Variants in RFPL1 observed in about 807,000 individuals in gnomAD.
The protein encoded by RFPL1 is ret finger protein like 1, also known as ret finger protein-like 1.
In RFPL1, 6 loss-of-function variants were observed where a neutral mutation model predicts 9.6. The observed-to-expected ratio is 0.62, with a 90% CI of 0.34 to 1.23. RFPL1 has a LOEUF of 1.23. Ranked by LOEUF, RFPL1 falls within the 50% of genes most tolerant of loss-of-function variation. The pLI is 0.03. For synonymous variants in RFPL1, 145 were observed against 149.4 expected, an observed-to-expected ratio of 0.97 and a Z score of 0.22; for missense variants, 352 against 398.4, an observed-to-expected ratio of 0.88 and a Z score of 0.99.
chr22:29,430,982 T>G, the RFPL1 span, among the ~76,000 whole-genome samples: 9 of 152,276 alleles, frequency 5.9e-5, no homozygotes, highest in South Asian at 1.2e-3. Context: ...GGTAACCAGT[T>G]TACAACCTCA....
the RFPL1 span, among the ~76,000 whole-genome samples, chr22:29,420,073 A>G: frequency 6.6e-6 from 1 of 152,226 alleles, no homozygotes; most frequent in South Asian, 2.1e-4. Flanking sequence ...GTGGATTCCC[A>G]CATGGAGGCC....
the RFPL1 span, among the ~76,000 whole-genome samples, chr22:29,422,813 A>T: frequency 6.6e-6 from 1 of 151,712 alleles, no homozygotes; most frequent in Non-Finnish European, 1.5e-5. Context: ...ACACATACAC[A>T]CACACACACA....
chr22:29,441,804 G>A (rs1457829128), exon 2 of RFPL1: 2 of 1,613,860 alleles, frequency 1.2e-6, no homozygotes, highest in East Asian at 4.5e-5. Flanking sequence ...TGACCACAGA[G>A]CGTGGATTCT....
At chr22:29,402,483 A>G in the RFPL1 span, among the ~76,000 whole-genome samples, 2 of 152,344 alleles carry the variant, frequency 1.3e-5, no homozygotes, top group South Asian at 2.1e-4. Flanking sequence ...GGATGAGTTC[A>G]GTCCCTATTT....
At chr22:29,399,861 C>T in the RFPL1 span, among the ~76,000 whole-genome samples, 1 of 152,036 alleles carries the variant, frequency 6.6e-6, no homozygotes, top group Non-Finnish European at 1.5e-5. Context: ...GTTAATTAGC[C>T]CCCTCTTCAA....
At chr22:29,394,198 T>A in the RFPL1 span, among the ~76,000 whole-genome samples, 1 of 152,166 alleles carries the variant, frequency 6.6e-6, no homozygotes. Context: ...GTCCAGTTCT[T>A]TGTTTTTGAG....
the RFPL1 span, among the ~76,000 whole-genome samples, chr22:29,404,442 G>A: frequency 1.3e-5 from 2 of 151,938 alleles, no homozygotes; most frequent in East Asian, 3.9e-4. Context: ...AATGTTTTAA[G>A]TTAGGTGTAA....
chr22:29,434,132 A>G (rs895957427), upstream of RFPL1, among the ~76,000 whole-genome samples: 8 of 152,142 alleles, frequency 5.3e-5, no homozygotes, highest in African/African-American at 1.9e-4. Flanking sequence ...TATTACTGAC[A>G]TAAGCCGCCG....
upstream of RFPL1, among the ~76,000 whole-genome samples, chr22:29,435,778 T>C (rs754157734): frequency 3.9e-5 from 6 of 152,240 alleles, no homozygotes; most frequent in Non-Finnish European, 7.3e-5. Context: ...ATAGATTATA[T>C]TCAAGTTATT....
chr22:29,406,107 C>A, the RFPL1 span, among the ~76,000 whole-genome samples: 10 of 74,010 alleles, frequency 1.4e-4, no homozygotes, highest in African/African-American at 5.0e-4. Flanking sequence ...CAGAGCGAGA[C>A]TCCTTCTCAA....
At chr22:29,405,484 G>T in the RFPL1 span, among the ~76,000 whole-genome samples, 1 of 152,192 alleles carries the variant, frequency 6.6e-6, no homozygotes, top group Non-Finnish European at 1.5e-5. Flanking sequence ...AAGACGCAGG[G>T]ATAATAGAGC....
At chr22:29,420,148 G>A in the RFPL1 span, among the ~76,000 whole-genome samples, 2 of 152,212 alleles carry the variant, frequency 1.3e-5, no homozygotes, top group Non-Finnish European at 2.9e-5. Context: ...GACACAAGTG[G>A]TTGCTCAGCT....
the RFPL1 span, among the ~76,000 whole-genome samples, chr22:29,389,367 G>A: frequency 6.6e-6 from 1 of 151,774 alleles, no homozygotes; most frequent in African/African-American, 2.4e-5. Context: ...CAGCCTGGGC[G>A]ACAGATCCAG....
the RFPL1 span, among the ~76,000 whole-genome samples, chr22:29,393,992 T>C: frequency 2.0e-5 from 3 of 152,056 alleles, no homozygotes; most frequent in African/African-American, 7.2e-5. Flanking sequence ...TTATTTGTTT[T>C]AGAGATGAGG....
At chr22:29,396,621 T>C in the RFPL1 span, among the ~76,000 whole-genome samples, 77 of 152,192 alleles carry the variant, frequency 5.1e-4, 1 homozygote, top group African/African-American at 1.8e-3. Flanking sequence ...TGGGAGCTTT[T>C]GTATTAATTT....
chr22:29,390,986 C>CA, the RFPL1 span, among the ~76,000 whole-genome samples: 1 of 150,700 alleles, frequency 6.6e-6, no homozygotes, highest in Non-Finnish European at 1.5e-5. Context: ...CTAAAAAATA[C>CA]AAAAAATTAG....
In RFPL1 at chr22:29,441,689, G is replaced by A. The variant is rs371079248; in HGVS notation, c.521G>A (p.Arg174His). Residue 174 changes from arginine (R) to histidine (H), a missense_variant, in exon 2 of 2, where the codon CGC (arginine) becomes CAC (histidine). Physicochemically the swap from Arg to His is conservative, Grantham distance 29. Transcript: ENST00000354373. Reference sequence around the variant, plus strand: ...TCCATTTGCATCCTGGGCTCCCCTCGCTTTACCTGTGGCCGCCACTACTGG... The same window carrying A: ...TCCATTTGCATCCTGGGCTCCCCTCACTTTACCTGTGGCCGCCACTACTGG... 1.3e-5 allele frequency: 21 copies of A among 1,613,852 alleles called. No homozygotes were observed. The African/African-American group carries it at 1.5e-4, about 11-fold the overall frequency.
chr22:29,421,455 C>A, the RFPL1 span, among the ~76,000 whole-genome samples: 1 of 150,992 alleles, frequency 6.6e-6, no homozygotes, highest in South Asian at 2.1e-4. Context: ...ACAAAACCCA[C>A]CCCTGGGACT....
At chr22:29,393,279 A>G in the RFPL1 span, among the ~76,000 whole-genome samples, 1 of 152,152 alleles carries the variant, frequency 6.6e-6, no homozygotes, top group African/African-American at 2.4e-5. Flanking sequence ...ACTGTCCCCA[A>G]GTAGAGATAA....
Sources: gnomAD v4.1 joint callset for allele counts (sites outside exome capture counted in the v4.1 genomes callset) on GRCh38, gnomAD v4.1.1 for gene constraint, MANE v1.5 for transcripts, NCBI Gene and HGNC (gene_info 2026-07-23, HGNC 2026-07-21) for gene names.